Variants in CHD2 observed in about 807,000 individuals in gnomAD.
The protein encoded by CHD2 is chromodomain helicase DNA binding protein 2.
A neutral mutation model predicts 243.9 loss-of-function variants in CHD2; 28 were observed. That is an observed-to-expected ratio of 0.11 (90% CI 0.09 to 0.16). The LOEUF is 0.16. CHD2 is among the 10% of genes least tolerant of loss of function. The pLI is 1.00. For missense variants in CHD2, 1,386 were observed against 2,209.8 expected, an observed-to-expected ratio of 0.63 and a Z score of 7.47; for synonymous variants, 775 against 779.0, an observed-to-expected ratio of 0.99 and a Z score of 0.09.
At chr15:92,988,168 C>T (rs2054069542) in intron 26 of CHD2, among the ~76,000 whole-genome samples, 1 of 152,116 alleles carries the variant, frequency 6.6e-6, no homozygotes, top group Middle Eastern at 3.4e-3. Context: ...CTGCAACCTC[C>T]ACTTCCCAGG....
Position 93,025,091 on chromosome 15 carries a change from C to T in CHD2, c.*386C>T, listed in dbSNP as rs998763683. 4.6e-5 allele frequency: 9 copies of T among 196,802 alleles called. No individual in the cohort carries two copies. Among genetic ancestry groups the T allele is most frequent in the African/African-American group, 7.1e-5 (3 of 42,282 alleles). 12.2% of individuals were successfully genotyped at this position (196,802 alleles called of 1,614,324 possible). On this transcript the variant is annotated 3_prime_UTR_variant, in exon 39 of 39. Coordinates refer to ENST00000394196, the MANE Select transcript of CHD2 (RefSeq NM_001271.4). ...TGTTCCCAGGACCTTAGTGCATGGT[C>T]GGGGCAGGAACTGGTGCATGGAGGC...
rs182174686 is a variant in CHD2 at position 92,997,804 on chromosome 15, T to G, written c.3885+401T>G. Reference sequence around the variant, plus strand: ...AAGATTGAATGTCACCTTGGTATTCTTTGTAATGGAATTAAACATTGGCTG... The same window carrying G: ...AAGATTGAATGTCACCTTGGTATTCGTTGTAATGGAATTAAACATTGGCTG... On this transcript the variant is annotated intron_variant, in intron 30 of 38. Coordinates refer to ENST00000394196, the MANE Select transcript of CHD2 (RefSeq NM_001271.4). This position sits in a 1 kb window ranked among gnomAD's most constrained non-coding sequence, Gnocchi z 4.1. Among the ~76,000 whole-genome samples the G allele has an allele frequency of 6.6e-6, 1 of 152,366 alleles. No homozygotes were observed. Among genetic ancestry groups the G allele is most frequent in the East Asian group, 1.9e-4 (1 of 5,188 alleles).
In CHD2 at chr15:93,024,924, T is replaced by G; in HGVS notation, c.*219T>G. On this transcript the variant is annotated 3_prime_UTR_variant, in exon 39 of 39. Transcript: ENST00000394196. ...CCTGCACTTTGGCACCCCATCCCAT[T>G]CCAGCCTAGTTCTGGCCTCCCACTT... The G allele has an allele frequency of 2.0e-6, 1 of 506,512 alleles. No homozygotes were observed. 31.4% of individuals were successfully genotyped at this position (506,512 alleles called of 1,614,324 possible).
At chr15:92,994,733 T>TTCTCCCTTTTA in intron 28 of CHD2, among the ~76,000 whole-genome samples, 1 of 152,236 alleles carries the variant, frequency 6.6e-6, no homozygotes, top group Non-Finnish European at 1.5e-5. Flanking sequence ...TAAATGGTAG[T>TTCTCCCTTTTA]ACAGCATGCA....
rs1338511552 is a variant in CHD2, at chr15:92,973,026, T to G, written c.2505+609T>G. Among the ~76,000 whole-genome samples the G allele has an allele frequency of 3.3e-5, 5 of 152,286 alleles. No individual in the cohort carries two copies. In the South Asian group the frequency reaches 8.3e-4, roughly 25 times the overall value. On this transcript the variant is annotated intron_variant, in intron 19 of 38. Coordinates refer to ENST00000394196, the MANE Select transcript of CHD2 (RefSeq NM_001271.4). ...AAAAAGGATGTCAGATGGCATCTTA[T>G]TGCATGTGTATGGTGAAAGTAGAGA...
At chr15:92,953,669 G>T in intron 14 of CHD2, 96 bp downstream of exon 14, 1 of 1,160,774 alleles carries the variant, frequency 8.6e-7, no homozygotes, top group Non-Finnish European at 1.3e-6. Flanking sequence ...AAAATTTGTG[G>T]TTATTATTCT....
chr15:93,003,240 G>A (rs1175798956), intron 33 of CHD2, among the ~76,000 whole-genome samples: 1 of 149,120 alleles, frequency 6.7e-6, no homozygotes, highest in African/African-American at 2.5e-5. Context: ...AGCCATGGTT[G>A]TGTCACACTT....
chr15:92,916,859 A>G (rs2052847739), intron 2 of CHD2, among the ~76,000 whole-genome samples: 1 of 152,204 alleles, frequency 6.6e-6, no homozygotes, highest in Non-Finnish European at 1.5e-5. Flanking sequence ...GCTGATTCGT[A>G]TACATTTTAA....
At chr15:92,987,595 A>G (rs2141854385) in intron 26 of CHD2, among the ~76,000 whole-genome samples, 1 of 142,778 alleles carries the variant, frequency 7.0e-6, no homozygotes, top group East Asian at 2.2e-4. Context: ...GTGACAGAGC[A>G]AAACTCTCTA....
At chr15:92,951,396 C>T (rs943294809) in intron 13 of CHD2, among the ~76,000 whole-genome samples, 2 of 152,112 alleles carry the variant, frequency 1.3e-5, no homozygotes, top group African/African-American at 4.8e-5. Flanking sequence ...GTCTTGAACT[C>T]CTGACCTCAA....
In CHD2 at chr15:93,010,578, C is replaced by G. The variant is rs1435430755; in HGVS notation, c.4592+1255C>G. ...AGCTGGGATTACAGGTGCCTGCCAT[C>G]ACGCCTGGCTAATTTTTGTATTTTT... On this transcript the variant is annotated intron_variant, in intron 35 of 38. Coordinates refer to ENST00000394196, the MANE Select transcript of CHD2 (RefSeq NM_001271.4). Among the ~76,000 whole-genome samples, 3 of 152,256 alleles carry G rather than the reference C, an allele frequency of 2.0e-5. No homozygotes were observed. The East Asian group carries it at 5.8e-4, about 29-fold the overall frequency.
intron 2 of CHD2, among the ~76,000 whole-genome samples, chr15:92,907,520 A>G (rs562368603): frequency 6.6e-6 from 1 of 152,324 alleles, no homozygotes; most frequent in Admixed American, 6.5e-5. Flanking sequence ...TCACTTGTGT[A>G]TGCTTAACTG....
intron 17 of CHD2, among the ~76,000 whole-genome samples, chr15:92,970,682 C>T (rs1370730635): frequency 2.0e-5 from 3 of 152,126 alleles, no homozygotes; most frequent in Non-Finnish European, 4.4e-5. Flanking sequence ...CTGAAGAGCA[C>T]CCCATAGTAG....
At chr15:92,975,072 G>A in intron 20 of CHD2, 122 bp downstream of exon 20, 1 of 718,114 alleles carries the variant, frequency 1.4e-6, no homozygotes, top group Admixed American at 2.9e-5. Flanking sequence ...GCCTTGAGAA[G>A]AAAATGAGAA....
At chr15:92,979,588 T>C (rs2053951302) in intron 22 of CHD2, among the ~76,000 whole-genome samples, 2 of 152,032 alleles carry the variant, frequency 1.3e-5, no homozygotes, top group African/African-American at 4.8e-5. Flanking sequence ...CCTAGCATAA[T>C]GTCACCTTTG....
intron 7 of CHD2, among the ~76,000 whole-genome samples, chr15:92,940,921 C>CATAAAAATAT (rs2053363814): frequency 8.6e-6 from 1 of 116,558 alleles, no homozygotes; most frequent in African/African-American, 3.2e-5. Context: ...TATAAATATA[C>CATAAAAATAT]ATATAAATAT....
Position 93,013,928 on chromosome 15 carries a change from C to CAA in CHD2, c.4693-741_4693-740dup, listed in dbSNP as rs35774813. 8.1e-4 allele frequency among the ~76,000 whole-genome samples: 52 copies of CAA among 64,148 alleles called. 4 individuals carry two copies. The highest frequency in any genetic ancestry group is 2.7e-3 in the African/African-American group (38 of 14,318). 42.1% of individuals were successfully genotyped at this position (64,148 alleles called of 152,430 possible). A position where few individuals can be genotyped will look rare whatever the true frequency, so the allele number is the denominator to read the frequency against. ...CCTGCGACAGAGTGAGACTCTGTCT[C>CAA]AAAAAAAAAAAAAAAAAAAAAAAAA... On this transcript the variant is annotated intron_variant, in intron 36 of 38. Coordinates refer to ENST00000394196, the MANE Select transcript of CHD2 (RefSeq NM_001271.4).
rs748100193 is a variant in CHD2 at position 92,948,934 on chromosome 15, T to C, written c.1378-18T>C. The C allele has an allele frequency of 3.7e-6, 6 of 1,607,982 alleles. No homozygotes were observed. Among genetic ancestry groups the C allele is most frequent in the East Asian group, 4.5e-5 (2 of 44,856 alleles). ...AGCAGTAAGAACATTTTCTCAGACT[T>C]GGGCTTTTGTTTTTCAGGCCCTGAA... On this transcript the variant is annotated intron_variant, in intron 12 of 38. Coordinates refer to ENST00000394196, the MANE Select transcript of CHD2 (RefSeq NM_001271.4).
chr15:92,941,437 T>C (rs946726535), intron 7 of CHD2, among the ~76,000 whole-genome samples: 13 of 152,286 alleles, frequency 8.5e-5, no homozygotes, highest in Admixed American at 4.6e-4. Context: ...TCTTTTTGCC[T>C]GATGAAATAG....
Sources: allele counts gnomAD v4.1 joint callset (sites outside exome capture counted in the v4.1 genomes callset), GRCh38; gene constraint gnomAD v4.1.1; non-coding constraint Gnocchi (gnomAD v3.1); transcripts MANE v1.5; gene names NCBI Gene and HGNC (gene_info 2026-07-23, HGNC 2026-07-21).